The following CEP57 variants were observed in gnomAD, a reference collection of about 807,000 sequenced individuals.
The protein encoded by CEP57 is centrosomal protein of 57 kDa.
A neutral mutation model predicts 68.0 loss-of-function variants in CEP57; 40 were observed. The observed-to-expected ratio is 0.59, with a 90% CI of 0.46 to 0.77. CEP57 has a LOEUF of 0.77. CEP57 is among the 30% of genes least tolerant of loss of function. The pLI, the probability that CEP57 is intolerant of heterozygous loss-of-function variation, is 0.00. For synonymous variants in CEP57, 219 were observed against 198.7 expected, an observed-to-expected ratio of 1.10 and a Z score of -0.86; for missense variants, 606 against 580.7, an observed-to-expected ratio of 1.04 and a Z score of -0.45.
intron 1 of CEP57, among the ~76,000 whole-genome samples, chr11:95,791,872 G>A (rs1434988126): frequency 6.6e-6 from 1 of 152,136 alleles, no homozygotes; most frequent in East Asian, 1.9e-4. Context: ...GAAGTAATAC[G>A]GAGGTAGAGC....
chr11:95,817,020 A>G (rs75154049), intron 4 of CEP57, among the ~76,000 whole-genome samples: 37 of 151,842 alleles, frequency 2.4e-4, no homozygotes, highest in Non-Finnish European at 4.6e-4. Flanking sequence ...CAAAAAAAAA[A>G]CAAAGTCTAT....
At chr11:95,796,003 G>C (rs2135246934) in intron 1 of CEP57, among the ~76,000 whole-genome samples, 1 of 152,246 alleles carries the variant, frequency 6.6e-6, no homozygotes, top group South Asian at 2.1e-4. Flanking sequence ...TTACCATACT[G>C]TTTTGAAGCA....
intron 2 of CEP57, among the ~76,000 whole-genome samples, chr11:95,803,147 G>A (rs1240515674): frequency 6.6e-6 from 1 of 152,120 alleles, no homozygotes; most frequent in Non-Finnish European, 1.5e-5. Context: ...GGGGAATGAG[G>A]AAGATGGAGA....
At position 95,820,597 on chromosome 11, in the gene CEP57, AC is replaced by A. The variant is rs1442025693; in HGVS notation, c.700-1273del. 1.8e-4 allele frequency among the ~76,000 whole-genome samples: 28 copies of A among 151,774 alleles called. No homozygotes were observed. The South Asian group carries it at 5.6e-3, about 30-fold the overall frequency. On this transcript the variant is annotated intron_variant, in intron 6 of 10. Transcript: ENST00000325542. ...ACAAGAGCAAAAAAAAAAAAAAAAA[AC>A]AGTGTTCTGCATTTTGCATCTTGGT...
intron 6 of CEP57, among the ~76,000 whole-genome samples, chr11:95,819,718 G>A (rs1862443334): frequency 6.6e-6 from 1 of 152,176 alleles, no homozygotes; most frequent in African/African-American, 2.4e-5. Context: ...AGCCTCTGCA[G>A]TTCAATCTGT....
chr11:95,828,131 T>A (rs1039711384), intron 9 of CEP57, 104 bp downstream of exon 9: 2 of 1,372,612 alleles, frequency 1.5e-6, no homozygotes. Flanking sequence ...TGAGCAAGTA[T>A]GGTTGAGCAC....
At chr11:95,824,942 T>C (rs1429139142) in intron 8 of CEP57, among the ~76,000 whole-genome samples, 1 of 152,190 alleles carries the variant, frequency 6.6e-6, no homozygotes, top group African/African-American at 2.4e-5. Flanking sequence ...ATCAATCCTT[T>C]GTCCCTGAAG....
intron 8 of CEP57, among the ~76,000 whole-genome samples, chr11:95,824,497 A>G (rs536440295): frequency 1.3e-5 from 2 of 152,318 alleles, no homozygotes; most frequent in African/African-American, 4.8e-5. Context: ...AATTCCAGCA[A>G]AGGATGGCTT....
intron 1 of CEP57, among the ~76,000 whole-genome samples, chr11:95,794,722 T>C (rs1384463388): frequency 6.6e-6 from 1 of 152,220 alleles, no homozygotes; most frequent in African/African-American, 2.4e-5. Context: ...TTAGTCTTTT[T>C]ATAATTAGTG....
At chr11:95,826,191 TG>T (rs1487211680) in intron 8 of CEP57, 1 of 152,212 alleles carries the variant, frequency 6.6e-6, no homozygotes, top group African/African-American at 2.4e-5. Flanking sequence ...GATGAAGGCC[TG>T]TATGGTGATC....
At chr11:95,797,187 G>GA (rs969562786) in intron 1 of CEP57, among the ~76,000 whole-genome samples, 10 of 99,532 alleles carry the variant, frequency 1.0e-4, no homozygotes, top group Non-Finnish European at 1.5e-4. Context: ...CACACACACA[G>GA]ACGGAGTCTC....
At chr11:95,810,128 A>C (rs1352446516) in intron 2 of CEP57, among the ~76,000 whole-genome samples, 1 of 152,220 alleles carries the variant, frequency 6.6e-6, no homozygotes, top group Non-Finnish European at 1.5e-5. Flanking sequence ...GATGCAGAAA[A>C]GGCCTTCAAC....
rs1437433879 is a variant in CEP57, at chr11:95,799,943, A to C, written c.202+555A>C. 1.3e-5 allele frequency among the ~76,000 whole-genome samples: 2 copies of C among 152,064 alleles called. 1 individual carries two copies. The highest frequency in any genetic ancestry group is 4.8e-5 in the African/African-American group (2 of 41,402). Reference sequence around the variant, plus strand: ...TATATGCCTCACCAGCTTCATCCCTAACTTGTCTTCTGTTTTTTCCTTTCC... The same window carrying C: ...TATATGCCTCACCAGCTTCATCCCTCACTTGTCTTCTGTTTTTTCCTTTCC... On this transcript the variant is annotated intron_variant, in intron 2 of 10. Coordinates refer to ENST00000325542, the MANE Select transcript of CEP57 (RefSeq NM_014679.5).
At chr11:95,806,651 C>T (rs957334029) in intron 2 of CEP57, among the ~76,000 whole-genome samples, 6 of 152,198 alleles carry the variant, frequency 3.9e-5, no homozygotes, top group Non-Finnish European at 8.8e-5. Flanking sequence ...GATCCAACTG[C>T]AAGGCTGCAG....
intron 4 of CEP57, 41 bp from the exon 5 acceptor site, chr11:95,817,746 G>T (rs762367192): frequency 2.2e-6 from 3 of 1,355,636 alleles, no homozygotes; most frequent in South Asian, 2.3e-5. Context: ...TCTCTTTTTT[G>T]ATTGTCAAAT....
At chr11:95,794,630 G>T (rs994116427) in intron 1 of CEP57, among the ~76,000 whole-genome samples, 1 of 151,936 alleles carries the variant, frequency 6.6e-6, no homozygotes, top group Non-Finnish European at 1.5e-5. Context: ...GTTTTTGTCT[G>T]TTAAGACTGT....
chr11:95,798,916 A>G (rs1407103657), intron 1 of CEP57, among the ~76,000 whole-genome samples: 2 of 152,158 alleles, frequency 1.3e-5, no homozygotes, highest in East Asian at 3.8e-4. Context: ...TATTTTTCTG[A>G]ACGTATATTT....
intron 2 of CEP57, among the ~76,000 whole-genome samples, chr11:95,808,470 G>A (rs1370640476): frequency 6.6e-6 from 1 of 152,084 alleles, no homozygotes; most frequent in African/African-American, 2.4e-5. Context: ...GTATTCAGTA[G>A]ACCCACCTCA....
Position 95,799,291 on chromosome 11 carries a change from A to ATATG in CEP57, c.108_111dup (p.Val38CysfsTer7). On this transcript the variant is annotated frameshift_variant, in exon 2 of 11. Transcript: ENST00000325542. LOFTEE classifies it high-confidence loss of function. Reference sequence around the variant, plus strand: ...GCATGGTTCGGCATTCTTCATCTCCATATGTAGTATATCCTTCGGATAAGC... The same window carrying ATATG: ...GCATGGTTCGGCATTCTTCATCTCCATATGTATGTAGTATATCCTTCGGATAAGC... 1 of 1,614,112 alleles carries ATATG rather than the reference A, an allele frequency of 6.2e-7. No homozygotes were observed. Among genetic ancestry groups the ATATG allele is most frequent in the Non-Finnish European group, 8.5e-7 (1 of 1,179,970 alleles).
Sources: allele counts gnomAD v4.1 joint callset (sites outside exome capture counted in the v4.1 genomes callset), GRCh38; gene constraint gnomAD v4.1.1; transcripts MANE v1.5; gene names NCBI Gene and HGNC (gene_info 2026-07-23, HGNC 2026-07-21).